LRRN3: variants seen among roughly 807,000 people sequenced by gnomAD.
LRRN3 encodes leucine-rich repeat neuronal protein 3.
Under a neutral mutation model 40.1 loss-of-function variants are expected in LRRN3, and 15 were observed. The ratio of observed to expected loss-of-function variants is 0.37; its 90% CI spans 0.25 to 0.58. The LOEUF (loss-of-function observed/expected upper bound fraction) is 0.58. Among genes scored for constraint, LRRN3 ranks in the 20% least tolerant of loss-of-function variants. The pLI is 0.72. For missense variants in LRRN3, 746 were observed against 837.7 expected (o/e 0.89, Z 1.35); for synonymous variants, 308 against 297.2 (o/e 1.04, Z -0.37).
chr7:111,124,277 T>G lies in LRRN3; in HGVS notation c.1505T>G (p.Val502Gly). 2 of 1,614,018 alleles carry G rather than the reference T, an allele frequency of 1.2e-6. No homozygotes were observed. The highest frequency in any genetic ancestry group is 8.5e-7 in the Non-Finnish European group (1 of 1,179,984). The change falls in exon 3 of 3, where the codon GTT (valine) becomes GGT (glycine). Residue 502 changes from valine (V) to glycine (G), a missense_variant. Physicochemically the swap from Val to Gly is moderately radical, Grantham distance 109. Transcript: ENST00000308478. The part of the protein sequence containing the change: ...GLYTCIATNL[V>G]GADLKSVMIK... ...TATACTTGTATAGCAACTAACCTAG[T>G]TGGCGCTGACTTGAAGTCTGTTATG...
At chr7:111,120,762 T>C (rs971629633) in intron 2 of LRRN3, among the ~76,000 whole-genome samples, 1 of 152,120 alleles carries the variant, frequency 6.6e-6, no homozygotes, top group Admixed American at 6.6e-5. Flanking sequence ...TGGAGAGAAG[T>C]ATGAATGAAA....
At chr7:111,111,167 A>C (rs1379983497) in intron 2 of LRRN3, among the ~76,000 whole-genome samples, 1 of 152,152 alleles carries the variant, frequency 6.6e-6, no homozygotes, top group African/African-American at 2.4e-5. Context: ...ATGCAAATTT[A>C]TAACCCTGTT....
chr7:111,120,031 C>A (rs1025411694), intron 2 of LRRN3, among the ~76,000 whole-genome samples: 1 of 152,064 alleles, frequency 6.6e-6, no homozygotes, highest in Non-Finnish European at 1.5e-5. Context: ...AGTGATGCAA[C>A]CATAGCTCTA....
Position 111,101,047 on chromosome 7 carries a change from C to T in LRRN3, c.-359+1085C>T, listed in dbSNP as rs1484612491. Among the ~76,000 whole-genome samples, 13 of 151,492 alleles carry T rather than the reference C, an allele frequency of 8.6e-5. No homozygotes were observed. In the East Asian group the frequency reaches 2.5e-3, roughly 29 times the overall value. ...AGAATGGTAACTCCTCCTCCTTGAT[C>T]ACCACATTCTGCCTCCACACCTGCT... On this transcript the variant is annotated intron_variant, in intron 2 of 2. Transcript: ENST00000308478.
Position 111,111,974 on chromosome 7 carries a change from G to A in LRRN3, c.-358-10441G>A, listed in dbSNP as rs1309773581. ...TTTTTTTTTTTTTTTTTGAGATGGA[G>A]TCTTGCTCTGTCTCCCAGGCTGGAG... is the stretch of plus-strand genomic sequence containing the variant. On this transcript the variant is annotated intron_variant, in intron 2 of 2. Coordinates refer to ENST00000308478, the MANE Select transcript of LRRN3 (RefSeq NM_001099658.2). Among the ~76,000 whole-genome samples the A allele has an allele frequency of 2.6e-5, 3 of 116,136 alleles. No individual in the cohort carries two copies. In the East Asian group the frequency reaches 7.4e-4, roughly 29 times the overall value. The allele number at this position is 116,136 out of a possible 152,430, so 76.2% of individuals were successfully genotyped here.
chr7:111,115,759 C>T (rs1262723111), intron 2 of LRRN3, among the ~76,000 whole-genome samples: 2 of 152,182 alleles, frequency 1.3e-5, no homozygotes, highest in East Asian at 3.9e-4. Context: ...CCACCGCCTC[C>T]CAGGTTCCAG....
chr7:111,123,155 T>C lies in LRRN3; in HGVS notation c.383T>C (p.Leu128Pro), dbSNP rs1158829726. The C allele has an allele frequency of 6.2e-7, 1 of 1,613,854 alleles. No individual in the cohort carries two copies. Among genetic ancestry groups the C allele is most frequent in the Non-Finnish European group, 8.5e-7 (1 of 1,179,972 alleles). The change falls in exon 3 of 3, where the codon CTT (leucine) becomes CCT (proline). Residue 128 changes from leucine (L) to proline (P), a missense_variant. Physicochemically the swap from Leu to Pro is moderately conservative, Grantham distance 98. Transcript: ENST00000308478. This position sits in a 1 kb window ranked among gnomAD's most constrained non-coding sequence, Gnocchi z 6.4. ...LLSVYLEENK[L>P]TELPEKCLSE... is the part of the protein sequence containing the mutation. Reference sequence around the variant, plus strand: ...TCTGTGTACCTAGAGGAAAACAAACTTACTGAACTGCCTGAAAAATGTCTG... The same window carrying C: ...TCTGTGTACCTAGAGGAAAACAAACCTACTGAACTGCCTGAAAAATGTCTG...
At chr7:111,108,699 AC>A (rs1347319996) in intron 2 of LRRN3, among the ~76,000 whole-genome samples, 5 of 152,166 alleles carry the variant, frequency 3.3e-5, no homozygotes, top group South Asian at 2.1e-4. Flanking sequence ...TTTAAAAAAA[AC>A]ATATTTATTT....
intron 2 of LRRN3, among the ~76,000 whole-genome samples, chr7:111,108,401 C>G (rs954289757): frequency 5.9e-5 from 9 of 152,226 alleles, no homozygotes; most frequent in Middle Eastern, 3.4e-3. Flanking sequence ...TCTCCAAATA[C>G]AAATGTCACA....
At chr7:111,094,473 A>G (rs1179104210) in intron 1 of LRRN3, among the ~76,000 whole-genome samples, 1 of 152,174 alleles carries the variant, frequency 6.6e-6, no homozygotes, top group Non-Finnish European at 1.5e-5. Context: ...TGTACAGCAC[A>G]CTAAAATGTT....
At position 111,121,846 on chromosome 7, in the gene LRRN3, A is replaced by G. The variant is rs377108260; in HGVS notation, c.-358-569A>G. 1.7e-4 allele frequency among the ~76,000 whole-genome samples: 26 copies of G among 152,272 alleles called. No individual in the cohort carries two copies. In the South Asian group the frequency reaches 5.2e-3, roughly 30 times the overall value. ...ACCAACCCAAATGTCCAACAATGAT[A>G]AACTGGATTAAGAAAATGTGGCAAA... On this transcript the variant is annotated intron_variant, in intron 2 of 2. Coordinates refer to ENST00000308478, the MANE Select transcript of LRRN3 (RefSeq NM_001099658.2).
chr7:111,123,266 ATCT>A lies in LRRN3; in HGVS notation c.500_502del (p.Leu167del). The A allele has an allele frequency of 6.2e-7, 1 of 1,613,876 alleles. No individual in the cohort carries two copies. The highest frequency in any genetic ancestry group is 1.7e-5 in the Admixed American group (1 of 59,948). ...CCTGGAGCCTTTATTGGCCTACATA[ATCT>A]TCTTCGACTTCATCTCAATTCAAAT... On this transcript the variant is annotated inframe_deletion, in exon 3 of 3. Transcript: ENST00000308478. The surrounding 1 kb of genome is among the most constrained non-coding windows in gnomAD (Gnocchi z 6.4).
At chr7:111,104,602 T>C (rs769972573) in intron 2 of LRRN3, among the ~76,000 whole-genome samples, 53 of 151,768 alleles carry the variant, frequency 3.5e-4, no homozygotes, top group Non-Finnish European at 6.9e-4. Flanking sequence ...AAAAGTCTCA[T>C]CATTAATCCC....
chr7:111,109,661 A>G (rs775008976), intron 2 of LRRN3, among the ~76,000 whole-genome samples: 1 of 152,214 alleles, frequency 6.6e-6, no homozygotes, highest in African/African-American at 2.4e-5. Context: ...TATCACCTGT[A>G]AAGTGGGTAT....
chr7:111,123,142 G>C lies in LRRN3; in HGVS notation c.370G>C (p.Glu124Gln), dbSNP rs752690483. 23 of 1,613,788 alleles carry C rather than the reference G, an allele frequency of 1.4e-5. No homozygotes were observed. Among genetic ancestry groups the C allele is most frequent in the Non-Finnish European group, 3.4e-6 (4 of 1,179,976 alleles). Residue 124 changes from glutamate to glutamine, a missense_variant, in exon 3 of 3, where the codon GAG becomes CAG. By Grantham distance (29) the Glu-to-Gln change is conservative. Transcript: ENST00000308478. The surrounding 1 kb of genome is among the most constrained non-coding windows in gnomAD (Gnocchi z 6.4). Reference protein sequence around the residue: ...KMPQLLSVYLEENKLTELPEK... With the variant: ...KMPQLLSVYLQENKLTELPEK... Reference sequence around the variant, plus strand: ...GCCTCAGCTCCTTTCTGTGTACCTAGAGGAAAACAAACTTACTGAACTGCC... The same window carrying C: ...GCCTCAGCTCCTTTCTGTGTACCTACAGGAAAACAAACTTACTGAACTGCC...
At chr7:111,113,078 C>G (rs1462214145) in intron 2 of LRRN3, among the ~76,000 whole-genome samples, 1 of 152,080 alleles carries the variant, frequency 6.6e-6, no homozygotes, top group Non-Finnish European at 1.5e-5. Flanking sequence ...ACCCAGAAAC[C>G]TTCTACTCTG....
intron 2 of LRRN3, 116 bp from the exon 3 acceptor site, chr7:111,122,299 A>G (rs1800744363): frequency 6.5e-6 from 1 of 152,846 alleles, no homozygotes; most frequent in South Asian, 2.1e-4. Context: ...AACTCTAAGA[A>G]TATAATTTAT....
intron 2 of LRRN3, among the ~76,000 whole-genome samples, chr7:111,102,496 T>C (rs368812109): frequency 2.8e-4 from 42 of 151,700 alleles, no homozygotes; most frequent in Admixed American, 7.3e-4. Context: ...TGCTGCTGCT[T>C]TACATCAAAC....
chr7:111,122,842 G>C lies in LRRN3; in HGVS notation c.70G>C (p.Asp24His), dbSNP rs572066802. ...TATCACTACACTAGTACAAGCTGTA[G>C]ATAAAAAAGTGGATTGTCCACGGTT... is the stretch of plus-strand genomic sequence containing the variant. The part of the protein sequence containing the change: ...LAITTLVQAV[D>H]KKVDCPRLCT... Residue 24 changes from aspartate (D) to histidine (H), a missense_variant, in exon 3 of 3, where the codon GAT becomes CAT. Physicochemically the swap from Asp to His is moderately conservative, Grantham distance 81. Transcript: ENST00000308478. The C allele has an allele frequency of 2.5e-6, 4 of 1,613,948 alleles. No individual in the cohort carries two copies. The East Asian group carries it at 6.7e-5, about 27-fold the overall frequency.
Sources: gnomAD v4.1 joint callset for allele counts (sites outside exome capture counted in the v4.1 genomes callset) on GRCh38, gnomAD v4.1.1 for gene constraint, Gnocchi (gnomAD v3.1) non-coding constraint, MANE v1.5 for transcripts, NCBI Gene and HGNC (gene_info 2026-07-23, HGNC 2026-07-21) for gene names.